The following SLC6A5 variants were observed in gnomAD, a reference collection of about 807,000 sequenced individuals.
SLC6A5 encodes solute carrier family 6 member 5.
SLC6A5 carries 58 observed loss-of-function variants against 90.5 expected under a neutral mutation model. The observed-to-expected ratio is 0.64, with a 90% CI of 0.52 to 0.80. The LOEUF is 0.80. SLC6A5 is among the 30% of genes least tolerant of loss of function. The pLI is 0.00. For missense variants in SLC6A5, 1,015 were observed against 1,017.6 expected, an observed-to-expected ratio of 1.00 and a Z score of 0.03; for synonymous variants, 427 against 401.4, an observed-to-expected ratio of 1.06 and a Z score of -0.76.
intron 10 of SLC6A5, among the ~76,000 whole-genome samples, chr11:20,631,295 A>G (rs1360983564): frequency 2.0e-5 from 3 of 152,166 alleles, no homozygotes; most frequent in Non-Finnish European, 4.4e-5. Flanking sequence ...TGTTAGGTCA[A>G]ATGTGCTTTC....
intron 7 of SLC6A5, among the ~76,000 whole-genome samples, chr11:20,619,813 C>T (rs940634415): frequency 6.6e-6 from 1 of 152,136 alleles, no homozygotes; most frequent in African/African-American, 2.4e-5. Flanking sequence ...ACTCTGTGAC[C>T]TCAGTTTCCC....
rs746701792 is a variant in SLC6A5 at position 20,607,125 on chromosome 11, C to T, written c.798C>T (p.Ile266=). Residue 266 remains isoleucine (I), a synonymous_variant, in exon 4 of 16, where the codon ATC becomes ATT. Transcript: ENST00000525748. ...GACCAGTGTCTGTGTGGAAGGCCATCCCAGCTCTACAAGGTGAGTCCAGCC... is the reference window on the plus strand; with the variant it reads ...GACCAGTGTCTGTGTGGAAGGCCATTCCAGCTCTACAAGGTGAGTCCAGCC... ...SQGPVSVWKA[I]PALQGCGIAM... is the part of the protein sequence containing the mutation. 21 of 1,613,746 alleles carry T rather than the reference C, an allele frequency of 1.3e-5. No homozygotes were observed. The highest frequency in any genetic ancestry group is 4.5e-5 in the East Asian group (2 of 44,868).
At chr11:20,642,841 G>A (rs1236513544) in intron 13 of SLC6A5, among the ~76,000 whole-genome samples, 3 of 152,318 alleles carry the variant, frequency 2.0e-5, no homozygotes, top group African/African-American at 2.4e-5. Flanking sequence ...GGAATGGCAC[G>A]GTGCAGGAGG....
At position 20,627,883 on chromosome 11, in the gene SLC6A5, C is replaced by A. The variant is rs1485570717; in HGVS notation, c.1396-97C>A. 5.8e-6 allele frequency: 5 copies of A among 861,000 alleles called. No individual in the cohort carries two copies. In the Admixed American group the frequency reaches 7.1e-5, roughly 12 times the overall value. 53.3% of individuals were successfully genotyped at this position (861,000 alleles called of 1,614,324 possible). On this transcript the variant is annotated intron_variant, in intron 8 of 15. Transcript: ENST00000525748. ...GGGGGTCATCTTGTCCCTGATGTTTCCCCTGGAAACATGATATGGCACTGG... is the reference window on the plus strand; with the variant it reads ...GGGGGTCATCTTGTCCCTGATGTTTACCCTGGAAACATGATATGGCACTGG...
intron 2 of SLC6A5, 52 bp from the exon 3 acceptor site, chr11:20,604,234 G>A: frequency 6.4e-7 from 1 of 1,567,570 alleles, no homozygotes; most frequent in Non-Finnish European, 8.7e-7. Context: ...GAAGGGGCCT[G>A]CTTGTGGACC....
At chr11:20,642,469 C>A (rs1007333327) in intron 13 of SLC6A5, among the ~76,000 whole-genome samples, 1 of 152,058 alleles carries the variant, frequency 6.6e-6, no homozygotes, top group African/African-American at 2.4e-5. Context: ...CACCTTCTTT[C>A]CCCCCTGCTG....
At chr11:20,626,970 G>C (rs980156796) in intron 8 of SLC6A5, 128 bp downstream of exon 8, 2 of 759,006 alleles carry the variant, frequency 2.6e-6, no homozygotes, top group Admixed American at 1.9e-5. Context: ...TGATGATCTT[G>C]GTACATTATG....
At chr11:20,621,746 G>A (rs1053066463) in intron 7 of SLC6A5, among the ~76,000 whole-genome samples, 8 of 152,334 alleles carry the variant, frequency 5.3e-5, no homozygotes, top group East Asian at 3.9e-4. Context: ...AAGAGATGTC[G>A]TCTTCCTGCA....
Position 20,658,786 on chromosome 11 carries a change from C to T in SLC6A5, c.*3918C>T, listed in dbSNP as rs2133831419. The T allele has an allele frequency of 6.6e-6, 1 of 152,222 alleles. No individual in the cohort carries two copies. Among genetic ancestry groups the T allele is most frequent in the South Asian group, 2.1e-4 (1 of 4,822 alleles). The allele number at this position is 152,222 out of a possible 1,614,324, so 9.4% of individuals were successfully genotyped here. A position where few individuals can be genotyped will look rare whatever the true frequency, so the allele number is the denominator to read the frequency against. On this transcript the variant is annotated 3_prime_UTR_variant, in exon 16 of 16. Transcript: ENST00000525748. The stretch of plus-strand genomic sequence containing the variant: ...AAATACATCTTCAGGTAACCATTTG[C>T]CTTACAGGTGTATTTTACTGTTAGG...
At position 20,658,072 on chromosome 11, in the gene SLC6A5, G is replaced by GTTTA. The variant is rs1307969226; in HGVS notation, c.*3205_*3208dup. 6.6e-6 allele frequency: 1 copy of GTTTA among 152,178 alleles called. No homozygotes were observed. The highest frequency in any genetic ancestry group is 2.4e-5 in the African/African-American group (1 of 41,454). 9.4% of individuals were successfully genotyped at this position (152,178 alleles called of 1,614,324 possible). ...TTCAGTAAGCAGCACTTTAAAAAGA[G>GTTTA]TTTAACATGATGACCTTTAAATGGA... On this transcript the variant is annotated 3_prime_UTR_variant, in exon 16 of 16. Coordinates refer to ENST00000525748, the MANE Select transcript of SLC6A5 (RefSeq NM_004211.5).
intron 5 of SLC6A5, among the ~76,000 whole-genome samples, chr11:20,607,973 A>G (rs1380272462): frequency 6.6e-6 from 1 of 152,176 alleles, no homozygotes; most frequent in Non-Finnish European, 1.5e-5. Context: ...GTCGTTGTAG[A>G]ATTTTATTTT....
Position 20,630,763 on chromosome 11 carries a change from C to T in SLC6A5, c.1572C>T (p.Ile524=), listed in dbSNP as rs139526317. 6.7e-5 allele frequency: 108 copies of T among 1,614,214 alleles called. No individual in the cohort carries two copies. The highest frequency in any genetic ancestry group is 9.3e-5 in the African/African-American group (7 of 75,064). ...CCGGCTTCGTCATCTTCTCCGTTAT[C>T]GGCTTCATGGCCAATGAACGCAAAG... The part of the protein sequence containing the change: ...IFAGFVIFSV[I]GFMANERKVN... Residue 524 remains isoleucine (I), a synonymous_variant, in exon 10 of 16, where the codon ATC becomes ATT. Coordinates refer to ENST00000525748, the MANE Select transcript of SLC6A5 (RefSeq NM_004211.5).
Position 20,657,213 on chromosome 11 carries a change from G to T in SLC6A5, c.*2345G>T, listed in dbSNP as rs1853647549. 6.6e-6 allele frequency: 1 copy of T among 151,762 alleles called. No individual in the cohort carries two copies. Among genetic ancestry groups the T allele is most frequent in the Admixed American group, 6.6e-5 (1 of 15,242 alleles). The allele number at this position is 151,762 out of a possible 1,614,324, so 9.4% of individuals were successfully genotyped here. On this transcript the variant is annotated 3_prime_UTR_variant, in exon 16 of 16. Coordinates refer to ENST00000525748, the MANE Select transcript of SLC6A5 (RefSeq NM_004211.5). Reference sequence around the variant, plus strand: ...TTATTGCTTTTGTGATTAAAAGAAGGTGGGGGTGGGGGGCTCCCACAGATG... The same window carrying T: ...TTATTGCTTTTGTGATTAAAAGAAGTTGGGGGTGGGGGGCTCCCACAGATG...
At chr11:20,622,799 A>G (rs891092777) in intron 7 of SLC6A5, among the ~76,000 whole-genome samples, 12 of 145,014 alleles carry the variant, frequency 8.3e-5, no homozygotes, top group African/African-American at 3.1e-4. Context: ...TTCCATCCTC[A>G]TTTCCCACCA....
chr11:20,652,635 G>C (rs1016547140), intron 15 of SLC6A5, among the ~76,000 whole-genome samples, 179 bp downstream of exon 15: 1 of 152,156 alleles, frequency 6.6e-6, no homozygotes, highest in African/African-American at 2.4e-5. Flanking sequence ...TTCCTCTAAT[G>C]GAGGGGCTCA....
rs535744103 is a variant in SLC6A5, at chr11:20,624,503, C to G, written c.1261-2205C>G. The stretch of plus-strand genomic sequence containing the variant: ...TCTAAACTTTCCCAATTCATCTCCC[C>G]CTGTGAGTCCTTGAATCCGTCCTCA... On this transcript the variant is annotated intron_variant, in intron 7 of 15. Transcript: ENST00000525748. 2.6e-4 allele frequency among the ~76,000 whole-genome samples: 39 copies of G among 152,246 alleles called. 4 individuals carry two copies. The South Asian group carries it at 6.4e-3, about 25-fold the overall frequency.
intron 14 of SLC6A5, 145 bp from the exon 15 acceptor site, chr11:20,652,144 A>G (rs1853545563): frequency 2.6e-6 from 2 of 774,956 alleles, no homozygotes; most frequent in African/African-American, 3.4e-5. Context: ...TCTTCATTTG[A>G]AAAATGGATT....
chr11:20,629,344 G>A (rs1853063789), intron 9 of SLC6A5: 1 of 152,038 alleles, frequency 6.6e-6, no homozygotes, highest in African/African-American at 2.4e-5. Context: ...CTCACACATA[G>A]TTCCTGTCCT....
chr11:20,632,530 A>C (rs550337687), intron 10 of SLC6A5, among the ~76,000 whole-genome samples: 1 of 152,292 alleles, frequency 6.6e-6, no homozygotes, highest in South Asian at 2.1e-4. Flanking sequence ...CACTTCTAAC[A>C]GGTTCTAACC....
Sources: allele counts gnomAD v4.1 joint callset (sites outside exome capture counted in the v4.1 genomes callset), GRCh38; gene constraint gnomAD v4.1.1; transcripts MANE v1.5; gene names NCBI Gene and HGNC (gene_info 2026-07-23, HGNC 2026-07-21).